Variants in MCF2L observed in about 807,000 individuals in gnomAD.
MCF2L encodes MCF.2 cell line derived transforming sequence like, also known as guanine nucleotide exchange factor DBS.
In MCF2L, 97 loss-of-function variants were observed where a neutral mutation model predicts 153.4. The observed-to-expected ratio is 0.63, with a 90% CI of 0.54 to 0.75. MCF2L has a LOEUF of 0.75. Among genes scored for constraint, MCF2L ranks in the 30% least tolerant of loss-of-function variants. The pLI, the probability that MCF2L is intolerant of heterozygous loss-of-function variation, is 0.00. For synonymous variants in MCF2L, 659 were observed against 632.2 expected, an observed-to-expected ratio of 1.04 and a Z score of -0.64; for missense variants, 1,347 against 1,495.2, an observed-to-expected ratio of 0.90 and a Z score of 1.64.
intron 1 of MCF2L, chr13:113,001,589 A>G: frequency 1.2e-6 from 1 of 826,226 alleles, no homozygotes; most frequent in Non-Finnish European, 1.6e-6. Context: ...GGGCCCCTGC[A>G]GGGAGGGTCT....
At chr13:112,922,571 G>A (rs3011490) in intron 2 of MCF2L, among the ~76,000 whole-genome samples, 11,798 of 151,738 alleles carry the variant, frequency 0.078, 556 homozygotes, top group South Asian at 0.15. Context: ...AGTGGCTCAC[G>A]CCTGTAATCC....
At position 113,088,350 on chromosome 13, in the gene MCF2L, C is replaced by T. The variant is rs370573668; in HGVS notation, c.2712C>T (p.Ala904=). The T allele has an allele frequency of 1.2e-4, 197 of 1,613,886 alleles. 4 individuals carry two copies. In the South Asian group the frequency reaches 1.7e-3, roughly 14 times the overall value. The change falls in exon 24 of 30, where the codon GCC becomes GCT. Residue 904 remains alanine, a synonymous_variant. Transcript: ENST00000535094. ...AGGCGCCAACTCCTGAGATTAAAGCCGCGTGGGTGAATGAAATTCGGAAAG... is the reference window on the plus strand; with the variant it reads ...AGGCGCCAACTCCTGAGATTAAAGCTGCGTGGGTGAATGAAATTCGGAAAG... ...IVQAPTPEIK[A]AWVNEIRKVL... is the part of the protein sequence containing the mutation.
chr13:113,011,438 A>AGGC (rs1331067697), intron 1 of MCF2L, among the ~76,000 whole-genome samples: 28 of 151,870 alleles, frequency 1.8e-4, no homozygotes, highest in African/African-American at 6.3e-4. Context: ...GACGGTGGAC[A>AGGC]GGTGGTGTGG....
Position 113,096,473 on chromosome 13 carries a change from G to C in MCF2L, c.3178G>C (p.Glu1060Gln), listed in dbSNP as rs756749366. ...GGTGGAGCTGGTGCAGGAGGGCGAC[G>C]AGGGCCTCTGGTAAGACCCCGCGCT... ...DVVELVQEGD[E>Q]GLWYVRDPTT... Residue 1060 changes from glutamate to glutamine, a missense_variant, in exon 28 of 30, where the codon GAG becomes CAG. Physicochemically the swap from Glu to Gln is conservative, Grantham distance 29. Transcript: ENST00000535094. 1.9e-6 allele frequency: 3 copies of C among 1,587,892 alleles called. No individual in the cohort carries two copies. Among genetic ancestry groups the C allele is most frequent in the Non-Finnish European group, 2.6e-6 (3 of 1,168,520 alleles).
intron 1 of MCF2L, chr13:113,009,872 G>A (rs2083964901): frequency 6.6e-6 from 1 of 152,274 alleles, no homozygotes; most frequent in Admixed American, 6.5e-5. Context: ...CGACTGTCCT[G>A]TCTGATGGAC....
intron 2 of MCF2L, among the ~76,000 whole-genome samples, chr13:112,946,018 C>T (rs890737383): frequency 6.6e-5 from 10 of 152,036 alleles, no homozygotes; most frequent in African/African-American, 1.4e-4. Flanking sequence ...CACGCCAGCC[C>T]GGGCTCTTCT....
chr13:112,916,783 C>A (rs2081296599), intron 2 of MCF2L, among the ~76,000 whole-genome samples: 2 of 152,172 alleles, frequency 1.3e-5, no homozygotes, highest in South Asian at 4.1e-4. Flanking sequence ...CCTTGCTTCT[C>A]CCCTCGCCCC....
rs1333171080 is a variant in MCF2L at position 113,031,028 on chromosome 13, GAGAC to G, written c.278+6274_278+6277del. Reference sequence around the variant, plus strand: ...GGGAAAACAATGTGAGAAAGAAAGAGAGACAGAGAGACAGAGACAGACAGATACA... The same window carrying G: ...GGGAAAACAATGTGAGAAAGAAAGAGAGAGAGACAGAGACAGACAGATACA... On this transcript the variant is annotated intron_variant, in intron 3 of 29. Transcript: ENST00000535094. The surrounding 1 kb of genome is among the most constrained non-coding windows in gnomAD (Gnocchi z 5.5). 2.0e-5 allele frequency among the ~76,000 whole-genome samples: 3 copies of G among 150,930 alleles called. No homozygotes were observed. Among genetic ancestry groups the G allele is most frequent in the Non-Finnish European group, 4.4e-5 (3 of 67,878 alleles).
At chr13:112,985,292 A>C (rs934217455) in intron 1 of MCF2L, 2 of 416,318 alleles carry the variant, frequency 4.8e-6, no homozygotes, top group African/African-American at 2.0e-5. Context: ...ATTTTAGGGG[A>C]CAAAGTTCAG....
chr13:113,036,226 G>A (rs1414367951), intron 3 of MCF2L, among the ~76,000 whole-genome samples: 2 of 152,202 alleles, frequency 1.3e-5, no homozygotes, highest in Non-Finnish European at 2.9e-5. Context: ...CTTTGGAAAT[G>A]AGAATGACGC....
intron 2 of MCF2L, among the ~76,000 whole-genome samples, chr13:112,930,758 G>A (rs192306540): frequency 1.3e-3 from 200 of 152,264 alleles, no homozygotes; most frequent in African/African-American, 4.7e-3. Context: ...CCAACATGGT[G>A]AAGCCCCATC....
At chr13:112,897,579 G>T (rs1297118967) in intron 1 of MCF2L, among the ~76,000 whole-genome samples, 2 of 152,262 alleles carry the variant, frequency 1.3e-5, no homozygotes, top group South Asian at 4.1e-4. Flanking sequence ...AGCCCCACCT[G>T]TTGAGAAAGT....
In MCF2L at chr13:113,031,448, C is replaced by T. The variant is rs576593672; in HGVS notation, c.278+6690C>T. 4.9e-4 allele frequency among the ~76,000 whole-genome samples: 74 copies of T among 152,102 alleles called. No homozygotes were observed. The highest frequency in any genetic ancestry group is 1.7e-3 in the African/African-American group (72 of 41,482). On this transcript the variant is annotated intron_variant, in intron 3 of 29. Coordinates refer to ENST00000535094, the MANE Select transcript of MCF2L (RefSeq NM_001112732.3). The surrounding 1 kb of genome is among the most constrained non-coding windows in gnomAD (Gnocchi z 5.5). ...CGCACCAGGGGGCAGGACAGAGTGC[C>T]GGGGAGTCGGGGGCTGTAGGGACAG...
intron 9 of MCF2L, among the ~76,000 whole-genome samples, chr13:113,072,416 CT>C (rs542339201): frequency 5.9e-4 from 90 of 152,318 alleles, no homozygotes; most frequent in Non-Finnish European, 1.1e-3. Flanking sequence ...GACATCTCTG[CT>C]TTGTCCCCAA....
chr13:112,940,419 C>G (rs1001979658), intron 2 of MCF2L, among the ~76,000 whole-genome samples: 2 of 152,216 alleles, frequency 1.3e-5, no homozygotes, highest in African/African-American at 4.8e-5. Context: ...GCCAGGCAAG[C>G]CAGATGGCCT....
chr13:113,043,151 G>A (rs1469178701), intron 3 of MCF2L: 1 of 152,254 alleles, frequency 6.6e-6, no homozygotes, highest in Non-Finnish European at 1.5e-5. Context: ...TGCCTTTGCG[G>A]GGCCCACCAG....
chr13:113,050,276 C>CTGAGTG lies in MCF2L; in HGVS notation c.369+4917_369+4918insAGTGTG, dbSNP rs1555375355. On this transcript the variant is annotated intron_variant, in intron 4 of 29. Transcript: ENST00000535094. ...GGAGTGTAAGTGAATGTGTGTGAGA[C>CTGAGTG]TGTGAGTGTGAGAGTGTGTGTGTGT... is the stretch of plus-strand genomic sequence containing the variant. 1.6e-4 allele frequency among the ~76,000 whole-genome samples: 24 copies of CTGAGTG among 149,392 alleles called. No homozygotes were observed. The Middle Eastern group carries it at 0.017, about 108-fold the overall frequency.
At chr13:113,073,333 G>T (rs2033109957) in intron 9 of MCF2L, among the ~76,000 whole-genome samples, 1 of 152,192 alleles carries the variant, frequency 6.6e-6, no homozygotes, top group Non-Finnish European at 1.5e-5. Context: ...GATCCTGTTG[G>T]TTGATGGTAT....
intron 14 of MCF2L, 22 bp downstream of exon 14, chr13:113,078,458 C>T (rs1319284718): frequency 6.2e-7 from 1 of 1,600,038 alleles, no homozygotes; most frequent in Admixed American, 1.7e-5. Context: ...CCAAGACAAC[C>T]CCGCCATCCA....
Sources: allele counts gnomAD v4.1 joint callset (sites outside exome capture counted in the v4.1 genomes callset), GRCh38; gene constraint gnomAD v4.1.1; non-coding constraint Gnocchi (gnomAD v3.1); transcripts MANE v1.5; gene names NCBI Gene and HGNC (gene_info 2026-07-23, HGNC 2026-07-21).